Variants in IL7 observed in about 807,000 individuals in gnomAD.
The protein encoded by IL7 is interleukin 7.
In IL7, 3 loss-of-function variants were observed where a neutral mutation model predicts 21.6. The ratio of observed to expected loss-of-function variants is 0.14; its 90% confidence interval spans 0.06 to 0.36. The LOEUF is 0.36. IL7 is among the 10% of genes least tolerant of loss of function. The probability of loss-of-function intolerance (pLI) is 1.00; values close to 1 mark genes in which losing one functional copy is unlikely to be tolerated. For synonymous variants in IL7, 62 were observed against 68.1 expected (o/e 0.91, Z 0.44); for missense variants, 175 against 200.2 (o/e 0.87, Z 0.76).
intron 2 of IL7, among the ~76,000 whole-genome samples, chr8:78,757,068 G>A (rs904628184): frequency 6.6e-6 from 1 of 151,480 alleles, no homozygotes; most frequent in African/African-American, 2.4e-5. Context: ...ATATTCCATA[G>A]GTTTGGGTAT....
intron 3 of IL7, among the ~76,000 whole-genome samples, chr8:78,689,039 T>TC (rs1471690110): frequency 6.6e-6 from 1 of 151,590 alleles, no homozygotes; most frequent in Non-Finnish European, 1.5e-5. Context: ...GCAGACTTTT[T>TC]TTTTTTTTAA....
intron 5 of IL7, 97 bp downstream of exon 5, chr8:78,736,377 C>A: frequency 1.5e-6 from 1 of 679,616 alleles, no homozygotes; most frequent in Non-Finnish European, 2.4e-6. Context: ...TATTTCAAAA[C>A]CAGCTATAAG....
At chr8:78,693,449 T>C (rs1435327773) in intron 3 of IL7, among the ~76,000 whole-genome samples, 3 of 152,212 alleles carry the variant, frequency 2.0e-5, no homozygotes, top group East Asian at 1.9e-4. Flanking sequence ...TGGTATCTCA[T>C]TGTGGTTTTG....
downstream of IL7, chr8:78,717,449 G>A: frequency 6.2e-7 from 1 of 1,601,290 alleles, no homozygotes; most frequent in South Asian, 1.1e-5. Context: ...TGTAGAATGG[G>A]CCAAATTTTG....
chr8:78,731,464 A>T (rs1391700611), downstream of IL7, among the ~76,000 whole-genome samples: 4 of 151,902 alleles, frequency 2.6e-5, no homozygotes, highest in African/African-American at 9.7e-5. Flanking sequence ...GGATTTTAAT[A>T]TACTTATAAG....
At chr8:78,769,561 C>T (rs1384016277) in intron 2 of IL7, among the ~76,000 whole-genome samples, 1 of 152,182 alleles carries the variant, frequency 6.6e-6, no homozygotes, top group Non-Finnish European at 1.5e-5. Flanking sequence ...AAGAACAATC[C>T]ATGCTCATGG....
intron 2 of IL7, among the ~76,000 whole-genome samples, chr8:78,741,810 A>T (rs1811792465): frequency 6.6e-6 from 1 of 152,160 alleles, no homozygotes; most frequent in Non-Finnish European, 1.5e-5. Flanking sequence ...TCTAATATAG[A>T]TCTATATGAT....
chr8:78,798,430 C>T (rs1305686799), intron 1 of IL7, among the ~76,000 whole-genome samples: 1 of 151,940 alleles, frequency 6.6e-6, no homozygotes, highest in Non-Finnish European at 1.5e-5. Flanking sequence ...TGCAATTACT[C>T]TTTAGGAAAG....
chr8:78,762,492 C>G, intron 2 of IL7: 4 of 1,348,878 alleles, frequency 3.0e-6, no homozygotes, highest in Non-Finnish European at 3.9e-6. Context: ...GCAGTCCGCC[C>G]GCCCGTCGGG....
chr8:78,696,660 T>A (rs764695010), intron 3 of IL7, among the ~76,000 whole-genome samples: 2 of 152,182 alleles, frequency 1.3e-5, no homozygotes, highest in Non-Finnish European at 2.9e-5. Context: ...AGATCTTAGG[T>A]CAATGCATAC....
intron 3 of IL7, among the ~76,000 whole-genome samples, chr8:78,712,812 A>C (rs954265198): frequency 2.6e-5 from 4 of 152,198 alleles, no homozygotes; most frequent in African/African-American, 9.7e-5. Context: ...AAATTAATAT[A>C]CCTATTAATG....
intron 1 of IL7, among the ~76,000 whole-genome samples, chr8:78,800,101 A>G (rs533085556): frequency 2.2e-4 from 33 of 152,106 alleles, no homozygotes; most frequent in African/African-American, 7.7e-4. Context: ...AAAGTCTCCA[A>G]TGCCTATTAT....
At chr8:78,685,807 C>T (rs1334195790) in intron 4 of IL7, 4 of 152,164 alleles carry the variant, frequency 2.6e-5, no homozygotes, top group Admixed American at 6.6e-5. Context: ...CAGGGAAATA[C>T]ACTGTGTTAG....
At chr8:78,755,922 G>T (rs1000562413) in intron 2 of IL7, among the ~76,000 whole-genome samples, 2 of 151,894 alleles carry the variant, frequency 1.3e-5, no homozygotes, top group Non-Finnish European at 2.9e-5. Context: ...TTATAAGAAA[G>T]ACTTTCAGTT....
intron 5 of IL7, among the ~76,000 whole-genome samples, chr8:78,720,308 G>A (rs1255665752): frequency 1.3e-5 from 2 of 151,716 alleles, no homozygotes; most frequent in African/African-American, 2.4e-5. Context: ...GAATGTGTAT[G>A]TATTTTACAT....
In IL7 at chr8:78,732,912, ATAT is replaced by A. The variant is rs1185026271; in HGVS notation, c.*798_*800del. Reference sequence around the variant, plus strand: ...ATTTCATTAATTAAAAGGTAAACATATATTATTATCTTAAAAATATATCTCCCA... The same window carrying A: ...ATTTCATTAATTAAAAGGTAAACATATATTATCTTAAAAATATATCTCCCA... On this transcript the variant is annotated 3_prime_UTR_variant, in exon 6 of 6. Coordinates refer to ENST00000263851, the MANE Select transcript of IL7 (RefSeq NM_000880.4). 2.6e-5 allele frequency: 4 copies of A among 151,938 alleles called. No homozygotes were observed. Among genetic ancestry groups the A allele is most frequent in the African/African-American group, 4.8e-5 (2 of 41,368 alleles). 9.4% of individuals were successfully genotyped at this position (151,938 alleles called of 1,614,324 possible). A position where few individuals can be genotyped will look rare whatever the true frequency, so the allele number is the denominator to read the frequency against.
intron 4 of IL7, among the ~76,000 whole-genome samples, chr8:78,679,923 T>C (rs1243259603): frequency 6.6e-6 from 1 of 152,318 alleles, no homozygotes; most frequent in East Asian, 1.9e-4. Context: ...ATATTAGCTT[T>C]AATTTGCTTC....
chr8:78,799,151 T>G (rs1034686499), intron 1 of IL7, among the ~76,000 whole-genome samples: 1 of 152,156 alleles, frequency 6.6e-6, no homozygotes, highest in Non-Finnish European at 1.5e-5. Context: ...GACAATGTAT[T>G]TCCTGTGAAT....
intron 4 of IL7, among the ~76,000 whole-genome samples, chr8:78,682,978 C>T (rs1809836877): frequency 6.6e-6 from 1 of 152,208 alleles, no homozygotes; most frequent in Non-Finnish European, 1.5e-5. Flanking sequence ...AGCTCTGAAA[C>T]GATCTCCTTT....
Sources: allele counts gnomAD v4.1 joint callset (sites outside exome capture counted in the v4.1 genomes callset), GRCh38; gene constraint gnomAD v4.1.1; transcripts MANE v1.5; gene names NCBI Gene and HGNC (gene_info 2026-07-23, HGNC 2026-07-21).